Variants in PPP3CA observed in about 807,000 individuals in gnomAD.
PPP3CA encodes the protein protein phosphatase 3 catalytic subunit alpha, also known as CAM-PRP catalytic subunit.
Under a neutral mutation model 66.5 loss-of-function variants are expected in PPP3CA, and 14 were observed. That is an observed-to-expected ratio of 0.21 (90% CI 0.14 to 0.33). PPP3CA has a LOEUF of 0.33. Ranked by LOEUF, PPP3CA falls within the 10% of genes least tolerant of loss-of-function variation. The pLI, the probability that PPP3CA is intolerant of heterozygous loss-of-function variation, is 1.00. For synonymous variants in PPP3CA, 232 were observed against 226.2 expected, an observed-to-expected ratio of 1.03 and a Z score of -0.23; for missense variants, 317 against 639.5, an observed-to-expected ratio of 0.50 and a Z score of 5.44.
chr4:101,147,550 A>T (rs1443665331), intron 2 of PPP3CA, among the ~76,000 whole-genome samples: 1 of 152,234 alleles, frequency 6.6e-6, no homozygotes, highest in African/African-American at 2.4e-5. Flanking sequence ...ATGTTGGCAT[A>T]CAGGTAATTC....
chr4:101,267,220 A>G (rs1014070986), intron 1 of PPP3CA, among the ~76,000 whole-genome samples: 3 of 152,242 alleles, frequency 2.0e-5, no homozygotes, highest in Admixed American at 6.5e-5. Flanking sequence ...ACTGTGCAGA[A>G]TATGCATTAA....
At chr4:101,126,590 G>C (rs1046091225) in intron 2 of PPP3CA, among the ~76,000 whole-genome samples, 1 of 152,180 alleles carries the variant, frequency 6.6e-6, no homozygotes, top group Admixed American at 6.5e-5. Context: ...TACAGATACA[G>C]AGATTATGAT....
At chr4:101,324,223 A>AGG in intron 1 of PPP3CA, among the ~76,000 whole-genome samples, 10 of 129,138 alleles carry the variant, frequency 7.7e-5, no homozygotes, top group South Asian at 3.0e-4. Context: ...GAAGGAAGGA[A>AGG]AGGAGGGAAG....
At chr4:101,073,314 T>C (rs1490960938) in intron 8 of PPP3CA, among the ~76,000 whole-genome samples, 1 of 151,494 alleles carries the variant, frequency 6.6e-6, no homozygotes, top group East Asian at 1.9e-4. Flanking sequence ...TCTCACTCTA[T>C]TGCCCAGGCT....
At chr4:101,172,181 A>G (rs995841423) in intron 2 of PPP3CA, among the ~76,000 whole-genome samples, 1 of 152,144 alleles carries the variant, frequency 6.6e-6, no homozygotes, top group Non-Finnish European at 1.5e-5. Context: ...TCCTATTGTA[A>G]GGGAAAAAAT....
At chr4:101,182,637 G>C (rs1332515839) in intron 2 of PPP3CA, among the ~76,000 whole-genome samples, 1 of 152,134 alleles carries the variant, frequency 6.6e-6, no homozygotes, top group East Asian at 1.9e-4. Context: ...ACTGATGGTA[G>C]CTATGGTAGG....
chr4:101,034,372 T>C (rs904293539), intron 11 of PPP3CA, among the ~76,000 whole-genome samples: 9 of 152,222 alleles, frequency 5.9e-5, no homozygotes, highest in African/African-American at 2.2e-4. Context: ...TCCCTTTCTC[T>C]ACTCTTTCTC....
chr4:101,320,165 TCACA>T (rs533028829), intron 1 of PPP3CA, among the ~76,000 whole-genome samples: 1 of 150,566 alleles, frequency 6.6e-6, no homozygotes, highest in Non-Finnish European at 1.5e-5. Flanking sequence ...GTACATGTAC[TCACA>T]CACACACACA....
chr4:101,121,694 T>A (rs1008190379), intron 2 of PPP3CA, among the ~76,000 whole-genome samples: 1 of 152,278 alleles, frequency 6.6e-6, no homozygotes, highest in Non-Finnish European at 1.5e-5. Context: ...TAGTCATTAT[T>A]TTTTTGAACT....
intron 1 of PPP3CA, among the ~76,000 whole-genome samples, chr4:101,222,148 C>G: frequency 6.6e-6 from 1 of 151,502 alleles, no homozygotes. Context: ...CTTTTTAAGA[C>G]CACTGGAAAA....
chr4:101,346,924 G>C lies in PPP3CA; in HGVS notation c.-128C>G. 1 of 1,104,006 alleles carries C rather than the reference G, an allele frequency of 9.1e-7. No homozygotes were observed. Among genetic ancestry groups the C allele is most frequent in the Non-Finnish European group, 1.3e-6 (1 of 755,186 alleles). 68.4% of individuals were successfully genotyped at this position (1,104,006 alleles called of 1,614,324 possible). On this transcript the variant is annotated 5_prime_UTR_variant, in exon 1 of 14. Transcript: ENST00000394854. ...CGCCGCGCTGCAAACCGCTCGGCTG[G>C]AGGTCTAGGCTCTGAGCTGGCTTTA...
intron 1 of PPP3CA, among the ~76,000 whole-genome samples, chr4:101,309,700 C>A (rs899601192): frequency 1.3e-5 from 2 of 152,076 alleles, no homozygotes; most frequent in Admixed American, 6.6e-5. Context: ...AAAAAGATAT[C>A]CACATGTTGT....
intron 10 of PPP3CA, among the ~76,000 whole-genome samples, chr4:101,056,836 C>CAA (rs572758644): frequency 1.0e-4 from 8 of 79,722 alleles, no homozygotes; most frequent in African/African-American, 1.7e-4. Context: ...ATAATGTTAC[C>CAA]AAAAAAAAAA....
chr4:101,218,295 C>A (rs955666543), intron 1 of PPP3CA, among the ~76,000 whole-genome samples: 2 of 152,000 alleles, frequency 1.3e-5, no homozygotes, highest in Non-Finnish European at 2.9e-5. Context: ...AAGATTTAAC[C>A]TCAGCAAATC....
chr4:101,343,172 TTTGAG>T (rs1729871250), intron 1 of PPP3CA, among the ~76,000 whole-genome samples: 1 of 152,074 alleles, frequency 6.6e-6, no homozygotes, highest in Non-Finnish European at 1.5e-5. Flanking sequence ...TTACCATCGG[TTTGAG>T]TTAAGGTAGA....
At chr4:101,107,852 ATT>A (rs1721483846) in intron 3 of PPP3CA, among the ~76,000 whole-genome samples, 1 of 152,140 alleles carries the variant, frequency 6.6e-6, no homozygotes, top group Non-Finnish European at 1.5e-5. Flanking sequence ...AATAATGTTG[ATT>A]TCTCTCTTTA....
intron 2 of PPP3CA, among the ~76,000 whole-genome samples, chr4:101,187,478 T>A (rs867161368): frequency 6.6e-6 from 1 of 152,148 alleles, no homozygotes; most frequent in Admixed American, 6.6e-5. Flanking sequence ...TTTATATCAA[T>A]AATACAGGCA....
chr4:101,205,210 A>G (rs1725093510), intron 1 of PPP3CA, among the ~76,000 whole-genome samples: 1 of 152,170 alleles, frequency 6.6e-6, no homozygotes, highest in East Asian at 1.9e-4. Flanking sequence ...TTAAGACTAG[A>G]CGAATTTATT....
At chr4:101,155,424 T>G (rs528095913) in intron 2 of PPP3CA, among the ~76,000 whole-genome samples, 2 of 152,198 alleles carry the variant, frequency 1.3e-5, no homozygotes, top group East Asian at 3.8e-4. Context: ...AGGCCTTGGA[T>G]TGGCTTCAAG....
Sources: allele counts gnomAD v4.1 joint callset (sites outside exome capture counted in the v4.1 genomes callset), GRCh38; gene constraint gnomAD v4.1.1; transcripts MANE v1.5; gene names NCBI Gene and HGNC (gene_info 2026-07-23, HGNC 2026-07-21).